CSMD1: variants seen among roughly 807,000 people sequenced by gnomAD.
CSMD1 encodes the protein CUB and Sushi multiple domains 1.
Under a neutral mutation model 417.5 loss-of-function variants are expected in CSMD1, and 213 were observed. The ratio of observed to expected loss-of-function variants is 0.51; its 90% confidence interval spans 0.46 to 0.57. CSMD1 has a LOEUF of 0.57. Ranked by LOEUF, CSMD1 falls within the 20% of genes least tolerant of loss-of-function variation. The probability of loss-of-function intolerance (pLI) is 0.00; values close to 1 mark genes in which losing one functional copy is unlikely to be tolerated. For synonymous variants in CSMD1, 2,862 were observed against 1,736.8 expected, an observed-to-expected ratio of 1.65 and a Z score of -16.11; for missense variants, 6,923 against 4,529.7, an observed-to-expected ratio of 1.53 and a Z score of -15.17.
At chr8:3,418,767 T>C (rs764111760) in intron 12 of CSMD1, among the ~76,000 whole-genome samples, 4 of 152,106 alleles carry the variant, frequency 2.6e-5, no homozygotes, top group Non-Finnish European at 4.4e-5. Flanking sequence ...ACACACGGGA[T>C]TGCACAAACT....
intron 26 of CSMD1, among the ~76,000 whole-genome samples, chr8:3,237,045 C>G (rs746486428): frequency 2.0e-5 from 3 of 152,062 alleles, no homozygotes; most frequent in Non-Finnish European, 2.9e-5. Context: ...CTGCCCTTCA[C>G]AAAACAGCAG....
intron 1 of CSMD1, among the ~76,000 whole-genome samples, chr8:4,852,167 G>T (rs887049566): frequency 1.3e-5 from 2 of 152,036 alleles, no homozygotes; most frequent in African/African-American, 4.8e-5. Flanking sequence ...ATCTATTTTT[G>T]CCAGCATTGT....
At chr8:4,790,106 T>C (rs1797614481) in intron 1 of CSMD1, among the ~76,000 whole-genome samples, 1 of 152,152 alleles carries the variant, frequency 6.6e-6, no homozygotes, top group Non-Finnish European at 1.5e-5. Flanking sequence ...CTAAGCTCCA[T>C]CACTTGTGAT....
intron 7 of CSMD1, among the ~76,000 whole-genome samples, chr8:3,645,228 A>G (rs1336348940): frequency 6.6e-6 from 1 of 152,112 alleles, no homozygotes; most frequent in African/African-American, 2.4e-5. Flanking sequence ...TCCAAAGAAG[A>G]CCTCTCTAGA....
chr8:4,540,547 T>C (rs1052910694), intron 2 of CSMD1, among the ~76,000 whole-genome samples: 1 of 151,900 alleles, frequency 6.6e-6, no homozygotes, highest in Non-Finnish European at 1.5e-5. Flanking sequence ...GAAAACCTAA[T>C]GGATGGGAAA....
At position 3,928,084 on chromosome 8, in the gene CSMD1, G is replaced by A. The variant is rs568144240; in HGVS notation, c.818+69819C>T. On this transcript the variant is annotated intron_variant, in intron 5 of 69. Coordinates refer to ENST00000635120, the MANE Select transcript of CSMD1 (RefSeq NM_033225.6). The stretch of plus-strand genomic sequence containing the variant: ...CCCCACTTTATTCAAGGAGGCCTGA[G>A]TTTATGAAAGTATAAAGGACATACA... Among the ~76,000 whole-genome samples, 17 of 152,158 alleles carry A rather than the reference G, an allele frequency of 1.1e-4. No individual in the cohort carries two copies. In the East Asian group the frequency reaches 1.7e-3, roughly 16 times the overall value.
intron 4 of CSMD1, among the ~76,000 whole-genome samples, chr8:4,016,374 G>C (rs1289652620): frequency 1.3e-5 from 2 of 152,044 alleles, no homozygotes; most frequent in Non-Finnish European, 2.9e-5. Context: ...GCCTGAATTG[G>C]CTTCCCGAGA....
chr8:3,739,097 T>G (rs1267778197), intron 6 of CSMD1, among the ~76,000 whole-genome samples: 1 of 152,164 alleles, frequency 6.6e-6, no homozygotes, highest in Non-Finnish European at 1.5e-5. Flanking sequence ...TAGTGGGGAT[T>G]TATTCTATAA....
At chr8:3,386,008 ACTGT>A (rs1810981279) in intron 18 of CSMD1, among the ~76,000 whole-genome samples, 1 of 152,238 alleles carries the variant, frequency 6.6e-6, no homozygotes, top group African/African-American at 2.4e-5. Flanking sequence ...CTAAATTCTT[ACTGT>A]CTTTCCTGCT....
At chr8:2,967,033 T>G (rs1804027744) in intron 57 of CSMD1, among the ~76,000 whole-genome samples, 1 of 152,364 alleles carries the variant, frequency 6.6e-6, no homozygotes, top group African/African-American at 2.4e-5. Context: ...AAGGCCCTGT[T>G]ATTCAGGGAC....
chr8:3,727,766 C>T (rs955335109), intron 6 of CSMD1, among the ~76,000 whole-genome samples: 4 of 152,068 alleles, frequency 2.6e-5, no homozygotes, highest in South Asian at 2.1e-4. Context: ...ACCATATAAT[C>T]GGTTATAATT....
At chr8:4,388,400 G>A (rs749731975) in intron 3 of CSMD1, among the ~76,000 whole-genome samples, 2 of 151,686 alleles carry the variant, frequency 1.3e-5, no homozygotes, top group African/African-American at 2.4e-5. Flanking sequence ...AATGGCATTT[G>A]CAGAGACCTG....
At chr8:3,550,528 C>A (rs996867518) in intron 10 of CSMD1, among the ~76,000 whole-genome samples, 1 of 152,176 alleles carries the variant, frequency 6.6e-6, no homozygotes, top group Non-Finnish European at 1.5e-5. Flanking sequence ...TGTAGTGATT[C>A]ACTCAGGGTG....
rs1162124415 is a variant in CSMD1 at position 4,007,709 on chromosome 8, G to C, written c.611-9599C>G. 2.0e-5 allele frequency among the ~76,000 whole-genome samples: 3 copies of C among 151,606 alleles called. 1 individual carries two copies. Among genetic ancestry groups the C allele is most frequent in the South Asian group, 2.1e-4 (1 of 4,800 alleles). ...TTTTTTCATGCAATGAATGAAAATTGAATGACTCTGGCTTTCCTACAGTTA... is the reference window on the plus strand; with the variant it reads ...TTTTTTCATGCAATGAATGAAAATTCAATGACTCTGGCTTTCCTACAGTTA... On this transcript the variant is annotated intron_variant, in intron 4 of 69. Coordinates refer to ENST00000635120, the MANE Select transcript of CSMD1 (RefSeq NM_033225.6).
chr8:4,791,285 G>T (rs1277005613), intron 1 of CSMD1, among the ~76,000 whole-genome samples: 1 of 152,178 alleles, frequency 6.6e-6, no homozygotes, highest in African/African-American at 2.4e-5. Flanking sequence ...CCTTCACGAA[G>T]GTGGGCCTCT....
chr8:3,350,060 C>G (rs1002915873), intron 21 of CSMD1, among the ~76,000 whole-genome samples: 1 of 141,588 alleles, frequency 7.1e-6, no homozygotes, highest in Admixed American at 7.2e-5. Context: ...CCTATAATAA[C>G]TTGTGTATGT....
chr8:3,724,968 G>T (rs972431591), intron 6 of CSMD1, among the ~76,000 whole-genome samples: 5 of 152,150 alleles, frequency 3.3e-5, no homozygotes, highest in African/African-American at 4.8e-5. Flanking sequence ...CTATTTCAAC[G>T]CAACTAGCTT....
intron 10 of CSMD1, among the ~76,000 whole-genome samples, chr8:3,556,192 A>G (rs184960084): frequency 2.0e-5 from 3 of 151,980 alleles, no homozygotes; most frequent in Admixed American, 1.3e-4. Context: ...GTAACACTTA[A>G]TTATGAAGAC....
At chr8:3,361,408 C>G (rs560248258) in intron 20 of CSMD1, among the ~76,000 whole-genome samples, 1 of 152,062 alleles carries the variant, frequency 6.6e-6, no homozygotes, top group African/African-American at 2.4e-5. Flanking sequence ...GCGGGTGGAT[C>G]ATGAGGTCAG....
Sources: gnomAD v4.1 joint callset for allele counts (sites outside exome capture counted in the v4.1 genomes callset) on GRCh38, gnomAD v4.1.1 for gene constraint, MANE v1.5 for transcripts, NCBI Gene and HGNC (gene_info 2026-07-23, HGNC 2026-07-21) for gene names.